The following ZFP82 variants were observed in gnomAD, a reference collection of about 807,000 sequenced individuals.
The protein encoded by ZFP82 is zinc finger protein 82 homolog.
In ZFP82, 30 loss-of-function variants were observed where a neutral mutation model predicts 54.0. The ratio of observed to expected loss-of-function variants is 0.56; its 90% CI spans 0.42 to 0.75. ZFP82 has a LOEUF of 0.75. ZFP82 is among the 30% of genes least tolerant of loss of function. The pLI is 0.00. For synonymous variants in ZFP82, 194 were observed against 209.5 expected, an observed-to-expected ratio of 0.93 and a Z score of 0.64; for missense variants, 500 against 636.8, an observed-to-expected ratio of 0.79 and a Z score of 2.31.
chr19:36,409,915 C>T, intron 1 of ZFP82, 48 bp from the exon 2 acceptor site: 1 of 978,752 alleles, frequency 1.0e-6, no homozygotes, highest in Non-Finnish European at 1.6e-6. Flanking sequence ...CCTCAGAAAT[C>T]CCCAAATGAT....
rs985123507 is a variant in ZFP82 at position 36,391,213 on chromosome 19, C to G, written c.*1528G>C. On this transcript the variant is annotated 3_prime_UTR_variant, in exon 5 of 5. Transcript: ENST00000392161. ...TATTTGTTAATAATGCTCTAGTATG[C>G]TCCATAACTAATCAATGCATTTGGT... The G allele has an allele frequency of 6.6e-6, 1 of 151,630 alleles. No individual in the cohort carries two copies. The highest frequency in any genetic ancestry group is 1.5e-5 in the Non-Finnish European group (1 of 67,940). The allele number at this position is 151,630 out of a possible 1,614,324, so 9.4% of individuals were successfully genotyped here.
chr19:36,398,781 G>A (rs2032338804), intron 4 of ZFP82, among the ~76,000 whole-genome samples: 1 of 152,082 alleles, frequency 6.6e-6, no homozygotes, highest in South Asian at 2.1e-4. Context: ...TAACTCGTGG[G>A]CTCAAGCAAT....
At chr19:36,402,855 A>G in intron 4 of ZFP82, among the ~76,000 whole-genome samples, 1 of 150,276 alleles carries the variant, frequency 6.7e-6, no homozygotes, top group Non-Finnish European at 1.5e-5. Context: ...TTAGCCAGGC[A>G]TGGCCAGGCG....
At chr19:36,406,810 ATTT>A (rs2032489517) in intron 3 of ZFP82, among the ~76,000 whole-genome samples, 1 of 152,080 alleles carries the variant, frequency 6.6e-6, no homozygotes, top group Non-Finnish European at 1.5e-5. Context: ...ACTAATAATT[ATTT>A]TGTCTTTTGA....
intron 1 of ZFP82, among the ~76,000 whole-genome samples, chr19:36,410,649 C>T (rs1264299715): frequency 1.3e-5 from 2 of 151,808 alleles, no homozygotes. Flanking sequence ...ACTACAGGCA[C>T]GCACCACCAC....
chr19:36,403,051 G>A lies in ZFP82; in HGVS notation c.229+2529C>T, dbSNP rs191765246. Among the ~76,000 whole-genome samples the A allele has an allele frequency of 7.6e-4, 115 of 152,192 alleles. 1 individual carries two copies. The highest frequency in any genetic ancestry group is 2.7e-3 in the African/African-American group (111 of 41,528). ...CCAGCTTCTCGGGAGGCTGAGGCAG[G>A]AGAATGGCATGAACCTGGGAGGCGG... is the stretch of plus-strand genomic sequence containing the variant. On this transcript the variant is annotated intron_variant, in intron 4 of 4. Transcript: ENST00000392161.
intron 4 of ZFP82, among the ~76,000 whole-genome samples, chr19:36,400,718 A>C (rs148807980): frequency 1.5e-3 from 229 of 152,336 alleles, no homozygotes; most frequent in African/African-American, 5.3e-3. Context: ...CACCGATAGA[A>C]TCATTCCTAT....
intron 4 of ZFP82, among the ~76,000 whole-genome samples, chr19:36,403,197 C>T (rs2032419539): frequency 6.6e-6 from 1 of 151,536 alleles, no homozygotes; most frequent in Admixed American, 6.6e-5. Context: ...GTGGCAGGCA[C>T]CTGTAATCCC....
At chr19:36,396,716 CTA>C (rs1382647030) in intron 4 of ZFP82, among the ~76,000 whole-genome samples, 5 of 151,776 alleles carry the variant, frequency 3.3e-5, no homozygotes, top group African/African-American at 1.2e-4. Context: ...GTAGTGTGTG[CTA>C]TAGTCCCAGC....
chr19:36,405,349 G>C (rs1309539112), intron 4 of ZFP82, among the ~76,000 whole-genome samples: 1 of 152,098 alleles, frequency 6.6e-6, no homozygotes, highest in Non-Finnish European at 1.5e-5. Flanking sequence ...TGGTAAATGG[G>C]ACAAATAAGT....
intron 1 of ZFP82, among the ~76,000 whole-genome samples, chr19:36,417,234 A>G (rs1479662551): frequency 2.6e-5 from 4 of 152,160 alleles, no homozygotes; most frequent in Non-Finnish European, 5.9e-5. Flanking sequence ...GCTCCAAATC[A>G]CTACTTAAGA....
At chr19:36,413,932 G>A (rs1054470725) in intron 1 of ZFP82, among the ~76,000 whole-genome samples, 28 of 139,258 alleles carry the variant, frequency 2.0e-4, no homozygotes, top group African/African-American at 6.4e-4. Flanking sequence ...ATGCAGTCTC[G>A]CTCTGTTACC....
chr19:36,405,533 T>TGG (rs754842302), intron 4 of ZFP82, 47 bp downstream of exon 4: 3 of 1,415,786 alleles, frequency 2.1e-6, no homozygotes, highest in Non-Finnish European at 3.0e-6. Flanking sequence ...CCCAGTGATC[T>TGG]GGGGTTCCCT....
At position 36,405,688 on chromosome 19, in the gene ZFP82, G is replaced by C. The variant is rs2032469992; in HGVS notation, c.137-16C>G. On this transcript the variant is annotated splice_polypyrimidine_tract_variant and intron_variant, in intron 3 of 4. Coordinates refer to ENST00000392161, the MANE Select transcript of ZFP82 (RefSeq NM_133466.4). Reference sequence around the variant, plus strand: ...ATGAAGCATCCTGCTTAGAAGAAAAGGAATATAAGGTACATGAAAATAAAA... The same window carrying C: ...ATGAAGCATCCTGCTTAGAAGAAAACGAATATAAGGTACATGAAAATAAAA... 1.3e-6 allele frequency: 2 copies of C among 1,550,184 alleles called. No homozygotes were observed. Among genetic ancestry groups the C allele is most frequent in the African/African-American group, 1.4e-5 (1 of 73,292 alleles).
intron 1 of ZFP82, among the ~76,000 whole-genome samples, chr19:36,414,497 G>A (rs1022108552): frequency 2.0e-5 from 3 of 150,960 alleles, no homozygotes; most frequent in African/African-American, 7.3e-5. Context: ...CCAAGTAACT[G>A]GGACTGCAGG....
chr19:36,392,853 T>C lies in ZFP82; in HGVS notation c.1487A>G (p.His496Arg). The change falls in exon 5 of 5, where the codon CAT becomes CGT. Residue 496 changes from histidine (H) to arginine (R), a missense_variant. Transcript: ENST00000392161. ...TTTCTCACCAGAATGAATTCTCAGA[T>C]GTTGAATAAGGGATGAATTAAGTCT... ...AFRLNSSLIQHLRIHSGEKPY... is the reference protein window; with the variant it reads ...AFRLNSSLIQRLRIHSGEKPY... 6.2e-7 allele frequency: 1 copy of C among 1,613,904 alleles called. No homozygotes were observed. Among genetic ancestry groups the C allele is most frequent in the Non-Finnish European group, 8.5e-7 (1 of 1,179,818 alleles).
At chr19:36,409,524 T>C (rs901546817) in intron 2 of ZFP82, among the ~76,000 whole-genome samples, 1 of 152,178 alleles carries the variant, frequency 6.6e-6, no homozygotes, top group African/African-American at 2.4e-5. Flanking sequence ...AGAGATTTCA[T>C]TTTTCCTCCA....
chr19:36,393,684 A>G lies in ZFP82; in HGVS notation c.656T>C (p.Leu219Pro). Residue 219 changes from leucine (L) to proline (P), a missense_variant, in exon 5 of 5, where the codon CTT (leucine) becomes CCT (proline). Leu to Pro is a moderately conservative substitution (Grantham distance 98, BLOSUM62 -3). Coordinates refer to ENST00000392161, the MANE Select transcript of ZFP82 (RefSeq NM_133466.4). ...QTAHLTRHQR[L>P]HSGEKLYECK... ...TTCATAGAGTTTTTCACCAGAATGA[A>G]GTCTCTGATGTCGAGTAAGGTGTGC... 1 of 1,614,168 alleles carries G rather than the reference A, an allele frequency of 6.2e-7. No homozygotes were observed.
At chr19:36,388,579 A>C (rs1014571479), downstream of ZFP82, among the ~76,000 whole-genome samples, 1 of 152,126 alleles carries the variant, frequency 6.6e-6, no homozygotes, top group Non-Finnish European at 1.5e-5. Flanking sequence ...ATATGTATAT[A>C]GTAATATGTA....
Sources: gnomAD v4.1 joint callset for allele counts (sites outside exome capture counted in the v4.1 genomes callset) on GRCh38, gnomAD v4.1.1 for gene constraint, MANE v1.5 for transcripts, NCBI Gene and HGNC (gene_info 2026-07-23, HGNC 2026-07-21) for gene names.